The following RBMS1 variants were observed in gnomAD, a reference collection of about 807,000 sequenced individuals.
RBMS1 encodes the protein RNA binding motif single stranded interacting protein 1, also known as RNA-binding motif, single-stranded-interacting protein 1.
RBMS1 carries 17 observed loss-of-function variants against 62.3 expected under a neutral mutation model. The ratio of observed to expected loss-of-function variants is 0.27; its 90% CI spans 0.19 to 0.41. RBMS1 has a LOEUF of 0.41. Among genes scored for constraint, RBMS1 ranks in the 10% least tolerant of loss-of-function variants. The pLI, the probability that RBMS1 is intolerant of heterozygous loss-of-function variation, is 1.00. For missense variants in RBMS1, 334 were observed against 504.5 expected (o/e 0.66, Z 3.24); for synonymous variants, 172 against 170.0 (o/e 1.01, Z -0.09).
intron 1 of RBMS1, among the ~76,000 whole-genome samples, chr2:160,441,445 C>T (rs1027098852): frequency 3.1e-4 from 47 of 152,104 alleles, no homozygotes; most frequent in African/African-American, 1.0e-3. Flanking sequence ...TTTAAGAGGC[C>T]GGGCACAGTG....
At chr2:160,469,586 T>C (rs914790629) in intron 1 of RBMS1, among the ~76,000 whole-genome samples, 1 of 152,226 alleles carries the variant, frequency 6.6e-6, no homozygotes, top group African/African-American at 2.4e-5. Context: ...TACCCACCTC[T>C]CCACAGACCC....
chr2:160,400,119 G>A (rs147884749), intron 1 of RBMS1, among the ~76,000 whole-genome samples: 13 of 152,234 alleles, frequency 8.5e-5, no homozygotes, highest in African/African-American at 2.9e-4. Flanking sequence ...CAGACACACT[G>A]AAAACTCCCC....
intron 2 of RBMS1, among the ~76,000 whole-genome samples, chr2:160,324,905 T>TACACACACAC (rs1479224727): frequency 1.8e-4 from 21 of 118,664 alleles, no homozygotes; most frequent in African/African-American, 2.9e-4. Flanking sequence ...TATATATATA[T>TACACACACAC]ATACACACAC....
At chr2:160,421,573 G>A (rs901791635) in intron 1 of RBMS1, among the ~76,000 whole-genome samples, 1 of 152,128 alleles carries the variant, frequency 6.6e-6, no homozygotes, top group Non-Finnish European at 1.5e-5. Flanking sequence ...TTGGTTCCAA[G>A]TCTTTGCTAT....
intron 2 of RBMS1, among the ~76,000 whole-genome samples, chr2:160,324,884 A>C (rs373835494): frequency 2.0e-5 from 1 of 49,398 alleles, no homozygotes; most frequent in Non-Finnish European, 5.0e-5. Context: ...GTGTGTGTGT[A>C]TATATATATA....
chr2:160,475,636 T>A (rs1685091875), intron 1 of RBMS1, among the ~76,000 whole-genome samples: 1 of 152,256 alleles, frequency 6.6e-6, no homozygotes, highest in Non-Finnish European at 1.5e-5. Context: ...AGTTTGCGTA[T>A]GTATGTCATG....
Position 160,300,653 on chromosome 2 carries a change from GA to G in RBMS1, c.637del (p.Ser213LeufsTer38). On this transcript the variant is annotated frameshift_variant, in exon 6 of 14. Transcript: ENST00000348849. LOFTEE classifies it high-confidence loss of function. The stretch of plus-strand genomic sequence containing the variant: ...GAAGTTTCAGACAAACAACATACCA[GA>G]AACTCCTGGTGGTGTCTTAATAAAT... ...GKFIKTPPGV[S>X]APTEPLLCKF... The G allele has an allele frequency of 6.3e-7, 1 of 1,593,556 alleles. No homozygotes were observed. The highest frequency in any genetic ancestry group is 2.3e-5 in the East Asian group (1 of 44,264).
chr2:160,344,525 C>A lies in RBMS1; in HGVS notation c.251+22691G>T, dbSNP rs1692068880. On this transcript the variant is annotated intron_variant, in intron 2 of 13. Coordinates refer to ENST00000348849, the MANE Select transcript of RBMS1 (RefSeq NM_016836.4). ...TTTCATTCTTAATGAACACTTTAGTCTACGACTCCAACAGTATATGGAAAC... is the reference window on the plus strand; with the variant it reads ...TTTCATTCTTAATGAACACTTTAGTATACGACTCCAACAGTATATGGAAAC... Among the ~76,000 whole-genome samples, 6 of 152,056 alleles carry A rather than the reference C, an allele frequency of 3.9e-5. No homozygotes were observed. In the South Asian group the frequency reaches 1.0e-3, roughly 26 times the overall value.
chr2:160,350,082 G>A (rs542796440), intron 2 of RBMS1, among the ~76,000 whole-genome samples: 30 of 152,124 alleles, frequency 2.0e-4, no homozygotes, highest in African/African-American at 5.5e-4. Context: ...GAAGTGAAGT[G>A]ATGGAGGACA....
intron 6 of RBMS1, among the ~76,000 whole-genome samples, chr2:160,291,699 CAT>C (rs1688687593): frequency 6.6e-6 from 1 of 152,160 alleles, no homozygotes; most frequent in Admixed American, 6.5e-5. Flanking sequence ...GTAATATCGT[CAT>C]GTTACAATCA....
chr2:160,298,286 G>C (rs1191945505), intron 6 of RBMS1, among the ~76,000 whole-genome samples: 2 of 152,150 alleles, frequency 1.3e-5, no homozygotes. Context: ...ACAGGAGGAA[G>C]AGCAGAATTA....
Position 160,278,279 on chromosome 2 carries a change from T to C in RBMS1, c.1062+269A>G, listed in dbSNP as rs181712590. 110 of 478,068 alleles carry C rather than the reference T, an allele frequency of 2.3e-4. 1 individual carries two copies. The Admixed American group carries it at 3.9e-3, about 17-fold the overall frequency. 29.6% of individuals were successfully genotyped at this position (478,068 alleles called of 1,614,324 possible). A position where few individuals can be genotyped will look rare whatever the true frequency, so the allele number is the denominator to read the frequency against. Reference sequence around the variant, plus strand: ...CACAGGGACAGTGGTACTAGTTATATAGATGACACTAGTCATAAAAGGCTA... The same window carrying C: ...CACAGGGACAGTGGTACTAGTTATACAGATGACACTAGTCATAAAAGGCTA... On this transcript the variant is annotated intron_variant, in intron 11 of 13. Coordinates refer to ENST00000348849, the MANE Select transcript of RBMS1 (RefSeq NM_016836.4).
chr2:160,355,016 C>T (rs879570088), intron 2 of RBMS1, among the ~76,000 whole-genome samples: 2 of 152,088 alleles, frequency 1.3e-5, no homozygotes, highest in East Asian at 1.9e-4. Flanking sequence ...CACGAAATTT[C>T]GTCTCAAAAG....
At chr2:160,456,737 C>A (rs1033483674) in intron 1 of RBMS1, among the ~76,000 whole-genome samples, 1 of 152,222 alleles carries the variant, frequency 6.6e-6, no homozygotes, top group Non-Finnish European at 1.5e-5. Context: ...TGTTCCCTCA[C>A]TGCCAAGTGA....
chr2:160,296,007 CTAA>C, intron 6 of RBMS1, among the ~76,000 whole-genome samples: 1 of 152,314 alleles, frequency 6.6e-6, no homozygotes, highest in East Asian at 1.9e-4. Flanking sequence ...TTCAAAGGGA[CTAA>C]TGTGTGGGGC....
At chr2:160,480,539 A>G (rs530598135) in intron 1 of RBMS1, among the ~76,000 whole-genome samples, 3 of 152,330 alleles carry the variant, frequency 2.0e-5, no homozygotes, top group Non-Finnish European at 4.4e-5. Flanking sequence ...TTTTATTATT[A>G]ATTACTTAAA....
At chr2:160,465,483 T>A (rs111860790) in intron 1 of RBMS1, among the ~76,000 whole-genome samples, 6,856 of 152,264 alleles carry the variant, frequency 0.045, 249 homozygotes, top group Non-Finnish European at 0.073. Context: ...ATGTCAGCCC[T>A]CAGGCTTTCA....
chr2:160,433,826 A>C (rs62177359), intron 1 of RBMS1, among the ~76,000 whole-genome samples: 3,803 of 152,346 alleles, frequency 0.025, 68 homozygotes, highest in Middle Eastern at 0.061. Flanking sequence ...GTATATTTTA[A>C]TATCAATCTT....
chr2:160,399,959 A>T lies in RBMS1; in HGVS notation c.76-32568T>A, dbSNP rs552114848. 6.6e-5 allele frequency among the ~76,000 whole-genome samples: 10 copies of T among 152,368 alleles called. No individual in the cohort carries two copies. In the South Asian group the frequency reaches 2.1e-3, roughly 32 times the overall value. The stretch of plus-strand genomic sequence containing the variant: ...ACTGGAACCAATTTTGCAAAGTGAT[A>T]CATCAACTAGCAAAGTAAGAAACAA... On this transcript the variant is annotated intron_variant, in intron 1 of 13. Transcript: ENST00000348849.
Sources: allele counts gnomAD v4.1 joint callset (sites outside exome capture counted in the v4.1 genomes callset), GRCh38; gene constraint gnomAD v4.1.1; transcripts MANE v1.5; gene names NCBI Gene and HGNC (gene_info 2026-07-23, HGNC 2026-07-21).